The following MAD1L1 variants were observed in gnomAD, a reference collection of about 807,000 sequenced individuals.
The protein encoded by MAD1L1 is mitotic spindle assembly checkpoint protein MAD1.
In MAD1L1, 95 loss-of-function variants were observed where a neutral mutation model predicts 96.9. That is an observed-to-expected ratio of 0.98 (90% CI 0.83 to 1.16). MAD1L1 has a LOEUF of 1.16. MAD1L1 is among the 50% of genes most tolerant of loss of function. MAD1L1 has a pLI of 0.00. For missense variants in MAD1L1, 1,007 were observed against 954.4 expected (o/e 1.06, Z -0.73); for synonymous variants, 473 against 396.6 (o/e 1.19, Z -2.29).
At chr7:2,209,046 C>T (rs539837495) in intron 10 of MAD1L1, among the ~76,000 whole-genome samples, 7 of 152,218 alleles carry the variant, frequency 4.6e-5, no homozygotes, top group South Asian at 2.1e-4. Context: ...CTCATCCACA[C>T]GCACTGTGTC....
chr7:2,127,113 T>C (rs948334468), intron 11 of MAD1L1, among the ~76,000 whole-genome samples: 3 of 152,100 alleles, frequency 2.0e-5, no homozygotes, highest in Admixed American at 2.0e-4. Flanking sequence ...TGACCCCACT[T>C]TGGGGACAGT....
At chr7:2,126,048 C>T (rs568200809) in intron 11 of MAD1L1, among the ~76,000 whole-genome samples, 3 of 152,264 alleles carry the variant, frequency 2.0e-5, no homozygotes, top group Non-Finnish European at 2.9e-5. Context: ...GGCTGCAGCC[C>T]GGGGCGCTGG....
chr7:2,058,784 A>G (rs1784497837), intron 12 of MAD1L1, among the ~76,000 whole-genome samples: 1 of 96,864 alleles, frequency 1.0e-5, no homozygotes, highest in African/African-American at 4.1e-5. Context: ...GTGTGGCCAG[A>G]GAAGAGGAGA....
chr7:2,029,406 G>C (rs1783117991), intron 12 of MAD1L1, among the ~76,000 whole-genome samples: 2 of 152,196 alleles, frequency 1.3e-5, no homozygotes, highest in African/African-American at 4.8e-5. Flanking sequence ...TTTGGGGGAG[G>C]TGGAGGAGCC....
intron 10 of MAD1L1, among the ~76,000 whole-genome samples, chr7:2,199,962 CA>C (rs1792196199): frequency 6.6e-6 from 1 of 152,240 alleles, no homozygotes; most frequent in African/African-American, 2.4e-5. Flanking sequence ...TCACTGGTGA[CA>C]AATCCCCCAG....
At chr7:1,878,048 T>C (rs974302135) in intron 18 of MAD1L1, among the ~76,000 whole-genome samples, 1 of 152,176 alleles carries the variant, frequency 6.6e-6, no homozygotes, top group Admixed American at 6.5e-5. Context: ...TGAATTATTA[T>C]GAATGATTTT....
intron 12 of MAD1L1, among the ~76,000 whole-genome samples, chr7:2,043,002 A>G (rs1226733604): frequency 6.6e-6 from 1 of 152,172 alleles, no homozygotes; most frequent in Non-Finnish European, 1.5e-5. Context: ...CTTCGCCAAG[A>G]AGGATGGGCT....
Position 2,103,506 on chromosome 7 carries a change from G to A in MAD1L1, c.1074-34168C>T, listed in dbSNP as rs1046261943. Among the ~76,000 whole-genome samples, 6 of 152,046 alleles carry A rather than the reference G, an allele frequency of 3.9e-5. No homozygotes were observed. Among genetic ancestry groups the A allele is most frequent in the Admixed American group, 1.3e-4 (2 of 15,274 alleles). The stretch of plus-strand genomic sequence containing the variant: ...GCCCCCGAGGCCACTGCACAGCGGC[G>A]GGGCTCTCGACCACCGTGCTCTTTG... On this transcript the variant is annotated intron_variant, in intron 11 of 18. Transcript: ENST00000265854. This position sits in a 1 kb window ranked among gnomAD's most constrained non-coding sequence, Gnocchi z 4.3.
intron 11 of MAD1L1, chr7:2,109,504 G>A (rs1448894868): frequency 6.6e-6 from 1 of 152,132 alleles, no homozygotes; most frequent in African/African-American, 2.4e-5. Flanking sequence ...TAGCAGGGAG[G>A]TGTGCGGCCT....
intron 17 of MAD1L1, among the ~76,000 whole-genome samples, chr7:1,901,602 G>A (rs980539505): frequency 2.0e-5 from 3 of 152,258 alleles, no homozygotes; most frequent in African/African-American, 7.2e-5. Context: ...CCGGCTCGCT[G>A]TGTGCTCAAG....
chr7:1,871,790 T>C (rs982790186), intron 18 of MAD1L1, among the ~76,000 whole-genome samples: 1 of 152,140 alleles, frequency 6.6e-6, no homozygotes, highest in African/African-American at 2.4e-5. Context: ...TCTGAACTCC[T>C]GCACCTGTGA....
chr7:2,163,640 T>A (rs1426861771), intron 10 of MAD1L1, among the ~76,000 whole-genome samples: 1 of 152,190 alleles, frequency 6.6e-6, no homozygotes, highest in Non-Finnish European at 1.5e-5. Context: ...CCCAAAGTGC[T>A]GAGATTACAG....
chr7:1,868,841 G>T (rs1479302055), intron 18 of MAD1L1, among the ~76,000 whole-genome samples: 3 of 152,144 alleles, frequency 2.0e-5, no homozygotes, highest in Admixed American at 6.5e-5. Context: ...CCACACAGGG[G>T]CCCAGCGGTG....
At chr7:1,861,250 G>A (rs1447604034) in intron 18 of MAD1L1, among the ~76,000 whole-genome samples, 2 of 152,208 alleles carry the variant, frequency 1.3e-5, no homozygotes, top group Non-Finnish European at 1.5e-5. Flanking sequence ...GGTGGGGGCT[G>A]GGCTGAGACC....
chr7:1,970,986 T>C (rs1016223300), intron 15 of MAD1L1, among the ~76,000 whole-genome samples: 4 of 152,208 alleles, frequency 2.6e-5, no homozygotes, highest in Non-Finnish European at 4.4e-5. Context: ...GCTAATACAG[T>C]AGATATCCTT....
At position 2,190,296 on chromosome 7, in the gene MAD1L1, T is replaced by G. The variant is rs184585075; in HGVS notation, c.986+22916A>C. ...ATCAGAGGTGCCAAGGAAATTCAAA[T>G]GGGAAACAGACATACGTATTGTGGG... On this transcript the variant is annotated intron_variant, in intron 10 of 18. Coordinates refer to ENST00000265854, the MANE Select transcript of MAD1L1 (RefSeq NM_001013836.2). Among the ~76,000 whole-genome samples, 10 of 152,244 alleles carry G rather than the reference T, an allele frequency of 6.6e-5. No individual in the cohort carries two copies. The East Asian group carries it at 1.9e-3, about 29-fold the overall frequency.
intron 16 of MAD1L1, among the ~76,000 whole-genome samples, chr7:1,954,013 A>G (rs1482437318): frequency 6.6e-6 from 1 of 151,964 alleles, no homozygotes; most frequent in Non-Finnish European, 1.5e-5. Flanking sequence ...GTGAGCCCCG[A>G]CTAGCCTCAC....
chr7:2,198,501 C>G (rs1165932214), intron 10 of MAD1L1, among the ~76,000 whole-genome samples: 1 of 152,264 alleles, frequency 6.6e-6, no homozygotes, highest in African/African-American at 2.4e-5. Flanking sequence ...ACCAGGAGCG[C>G]TGGCATCGCC....
intron 14 of MAD1L1, among the ~76,000 whole-genome samples, chr7:2,001,100 G>C (rs1274862575): frequency 6.6e-6 from 1 of 152,372 alleles, no homozygotes; most frequent in Non-Finnish European, 1.5e-5. Flanking sequence ...CTGCCGGGTG[G>C]AGAGGAAGGC....
Sources: allele counts gnomAD v4.1 joint callset (sites outside exome capture counted in the v4.1 genomes callset), GRCh38; gene constraint gnomAD v4.1.1; non-coding constraint Gnocchi (gnomAD v3.1); transcripts MANE v1.5; gene names NCBI Gene and HGNC (gene_info 2026-07-23, HGNC 2026-07-21).